Variants in TPM3 observed in about 807,000 individuals in gnomAD.
TPM3 encodes the protein tropomyosin alpha-3 chain.
A neutral mutation model predicts 43.1 loss-of-function variants in TPM3; 16 were observed. The observed-to-expected ratio is 0.37, with a 90% confidence interval of 0.25 to 0.56. TPM3 has a LOEUF of 0.56. TPM3 is among the 20% of genes least tolerant of loss of function. TPM3 has a pLI of 0.77. For missense variants in TPM3, 176 were observed against 337.2 expected (o/e 0.52, Z 3.74); for synonymous variants, 101 against 116.9 (o/e 0.86, Z 0.88).
chr1:154,181,232 T>A (rs1463501385), intron 2 of TPM3, among the ~76,000 whole-genome samples: 2 of 152,096 alleles, frequency 1.3e-5, no homozygotes, highest in East Asian at 3.9e-4. Context: ...CATCCCAGCA[T>A]CTCCATGACC....
chr1:154,183,355 C>T (rs1235018149), intron 2 of TPM3: 5 of 1,392,734 alleles, frequency 3.6e-6, no homozygotes, highest in Non-Finnish European at 4.7e-6. Flanking sequence ...GAGTACGGCT[C>T]CCGGCCTTAC....
At chr1:154,170,265 T>C in intron 8 of TPM3, 135 bp downstream of exon 8, 2 of 940,270 alleles carry the variant, frequency 2.1e-6, no homozygotes, top group Non-Finnish European at 1.7e-6. Context: ...AGCTGTGGCA[T>C]AGGACAGTGC....
chr1:154,179,952 G>C (rs1662767639), intron 2 of TPM3, among the ~76,000 whole-genome samples: 1 of 151,962 alleles, frequency 6.6e-6, no homozygotes, highest in African/African-American at 2.4e-5. Flanking sequence ...CAGATAAGGT[G>C]AACTGTACAT....
chr1:154,162,382 A>G lies in TPM3; in HGVS notation c.*5555T>C, dbSNP rs1179382868. Among the ~76,000 whole-genome samples, 1 of 151,560 alleles carries G rather than the reference A, an allele frequency of 6.6e-6. No individual in the cohort carries two copies. The highest frequency in any genetic ancestry group is 1.9e-4 in the East Asian group (1 of 5,172). The stretch of plus-strand genomic sequence containing the variant: ...TCCGTCTCAAAAAAAAAAAAAAAAA[A>G]AAACACAAACCAACCCCATGGAGTT... On this transcript the variant is annotated 3_prime_UTR_variant, in exon 10 of 10. Transcript: ENST00000651641.
chr1:154,167,850 C>T lies in TPM3; in HGVS notation c.*87G>A. 6.2e-7 allele frequency: 1 copy of T among 1,613,102 alleles called. No homozygotes were observed. The highest frequency in any genetic ancestry group is 8.5e-7 in the Non-Finnish European group (1 of 1,179,438). On this transcript the variant is annotated 3_prime_UTR_variant, in exon 10 of 10. Transcript: ENST00000651641. ...TGCCTTGGGGACCAGCCAGGCTGACCCAAATGGAATCCAGAGCGAGAGTGG... is the reference window on the plus strand; with the variant it reads ...TGCCTTGGGGACCAGCCAGGCTGACTCAAATGGAATCCAGAGCGAGAGTGG...
intron 2 of TPM3, chr1:154,187,393 G>C (rs1663454173): frequency 1.0e-6 from 1 of 984,584 alleles, no homozygotes; most frequent in South Asian, 4.7e-5. Flanking sequence ...TCCCTCTCCT[G>C]TTTCTTGTTC....
At chr1:154,184,685 G>A (rs1663321830) in intron 2 of TPM3, among the ~76,000 whole-genome samples, 1 of 152,124 alleles carries the variant, frequency 6.6e-6, no homozygotes, top group Non-Finnish European at 1.5e-5. Context: ...AGGCCAACGC[G>A]AGAAGATCAC....
intron 3 of TPM3, among the ~76,000 whole-genome samples, chr1:154,174,113 A>AC (rs1243243390): frequency 6.6e-6 from 1 of 151,576 alleles, no homozygotes; most frequent in African/African-American, 2.4e-5. Flanking sequence ...CCGGCAGATC[A>AC]CCTGAGGTCA....
Position 154,162,907 on chromosome 1 carries a change from C to T in TPM3, c.*5030G>A, listed in dbSNP as rs1660530365. On this transcript the variant is annotated 3_prime_UTR_variant, in exon 10 of 10. Coordinates refer to ENST00000651641, the MANE Select transcript of TPM3 (RefSeq NM_152263.4). ...CTCCCAATCTCCCTCTTATTTCCTTCTTTTTTTTCTCTCCTGCCTCAGCCT... is the reference window on the plus strand; with the variant it reads ...CTCCCAATCTCCCTCTTATTTCCTTTTTTTTTTTCTCTCCTGCCTCAGCCT... 1.3e-5 allele frequency among the ~76,000 whole-genome samples: 2 copies of T among 152,024 alleles called. No homozygotes were observed. The highest frequency in any genetic ancestry group is 4.8e-5 in the African/African-American group (2 of 41,376).
chr1:154,183,065 G>A, intron 2 of TPM3: 2 of 1,604,598 alleles, frequency 1.2e-6, no homozygotes, highest in Non-Finnish European at 8.5e-7. Context: ...TCTGCCTGCT[G>A]CTGCAGAACC....
intron 2 of TPM3, chr1:154,183,280 C>G (rs1663190480): frequency 6.6e-7 from 1 of 1,512,552 alleles, no homozygotes; most frequent in African/African-American, 1.4e-5. Context: ...CACCGCCAGG[C>G]AGGCGGGAAG....
chr1:154,191,173 C>T lies in TPM3; in HGVS notation c.243+13G>A, dbSNP rs1341056108. On this transcript the variant is annotated intron_variant, in intron 2 of 9. Coordinates refer to ENST00000651641, the MANE Select transcript of TPM3 (RefSeq NM_152263.4). ...TGTAGATTAAACCCATCCTCCATCTCTCTAATACTCACATCAGCAGCCTTC... is the reference window on the plus strand; with the variant it reads ...TGTAGATTAAACCCATCCTCCATCTTTCTAATACTCACATCAGCAGCCTTC... 7 of 1,612,940 alleles carry T rather than the reference C, an allele frequency of 4.3e-6. No homozygotes were observed. The highest frequency in any genetic ancestry group is 5.1e-6 in the Non-Finnish European group (6 of 1,179,668).
chr1:154,191,860 C>T (rs778167195), intron 1 of TPM3, 42 bp downstream of exon 1: 1 of 1,601,930 alleles, frequency 6.2e-7, no homozygotes, highest in Admixed American at 1.7e-5. Context: ...ATTTCACAGT[C>T]TTGTTCACTA....
intron 2 of TPM3, among the ~76,000 whole-genome samples, chr1:154,176,740 G>A (rs2148260280): frequency 6.6e-6 from 1 of 152,088 alleles, no homozygotes; most frequent in South Asian, 2.1e-4. Flanking sequence ...AGTATTCTGG[G>A]AGGCTGGGGC....
chr1:154,187,535 A>G, intron 2 of TPM3: 2 of 983,428 alleles, frequency 2.0e-6, no homozygotes, highest in Non-Finnish European at 2.4e-6. Context: ...AATATGAAGA[A>G]ACTTCTTTCA....
intron 2 of TPM3, among the ~76,000 whole-genome samples, chr1:154,185,645 A>G (rs1385032438): frequency 1.4e-5 from 2 of 147,102 alleles, no homozygotes; most frequent in Non-Finnish European, 1.5e-5. Flanking sequence ...AGAAGGCAGA[A>G]GTTGCAGTGA....
chr1:154,185,801 G>C (rs1038822834), intron 2 of TPM3, among the ~76,000 whole-genome samples: 2 of 151,324 alleles, frequency 1.3e-5, no homozygotes, highest in African/African-American at 4.9e-5. Context: ...AAAGAGACTT[G>C]AGAACGTTAT....
At chr1:154,185,843 C>T (rs1339566289) in intron 2 of TPM3, among the ~76,000 whole-genome samples, 1 of 151,538 alleles carries the variant, frequency 6.6e-6, no homozygotes, top group Admixed American at 6.6e-5. Flanking sequence ...TTCCTCCCAC[C>T]TTCCCAGTAG....
intron 9 of TPM3, among the ~76,000 whole-genome samples, chr1:154,168,241 G>T (rs949334947): frequency 1.3e-5 from 2 of 152,088 alleles, no homozygotes; most frequent in African/African-American, 4.8e-5. Context: ...GGTGAATTTG[G>T]TATTTCCCAT....
Sources: gnomAD v4.1 joint callset for allele counts (sites outside exome capture counted in the v4.1 genomes callset) on GRCh38, gnomAD v4.1.1 for gene constraint, MANE v1.5 for transcripts, NCBI Gene and HGNC (gene_info 2026-07-23, HGNC 2026-07-21) for gene names.